The following TTC12 variants were observed in gnomAD, a reference collection of about 807,000 sequenced individuals.
TTC12 encodes the protein tetratricopeptide repeat domain 12, also known as tetratricopeptide repeat protein 12.
TTC12 carries 70 observed loss-of-function variants against 90.1 expected under a neutral mutation model. The observed-to-expected ratio is 0.78, with a 90% CI of 0.64 to 0.95. The LOEUF is 0.95. TTC12 is among the 40% of genes least tolerant of loss of function. The probability of loss-of-function intolerance (pLI) is 0.00; values close to 1 mark genes in which losing one functional copy is unlikely to be tolerated. For synonymous variants in TTC12, 296 were observed against 311.5 expected (o/e 0.95, Z 0.53); for missense variants, 819 against 846.1 (o/e 0.97, Z 0.40).
chr11:113,345,434 C>G (rs1255933040), intron 13 of TTC12, among the ~76,000 whole-genome samples: 3 of 143,606 alleles, frequency 2.1e-5, no homozygotes, highest in Non-Finnish European at 4.5e-5. Context: ...TCTGAGGACC[C>G]AGCTCCGCTC....
At chr11:113,345,567 C>T (rs1484430068) in intron 13 of TTC12, among the ~76,000 whole-genome samples, 3 of 152,170 alleles carry the variant, frequency 2.0e-5, no homozygotes, top group East Asian at 1.9e-4. Context: ...CCATGTGTGC[C>T]GTGACAGGAT....
rs371661589 is a variant in TTC12 at position 113,359,368 on chromosome 11, G to A, written c.1452G>A (p.Arg484=). The change falls in exon 17 of 22, where the codon AGG becomes AGA. Residue 484 remains arginine, a synonymous_variant. Transcript: ENST00000529221. The part of the protein sequence containing the change: ...FGDGCLSLLA[R]CEEDVDLFRE... ...ACCTTGTTTTGTTTCCCAAGGCCAGGTGTGAGGAGGATGTGGACCTGTTCA... is the reference window on the plus strand; with the variant it reads ...ACCTTGTTTTGTTTCCCAAGGCCAGATGTGAGGAGGATGTGGACCTGTTCA... 5.6e-6 allele frequency: 9 copies of A among 1,607,648 alleles called. No homozygotes were observed. In the African/African-American group the frequency reaches 1.1e-4, roughly 19 times the overall value.
In TTC12 at chr11:113,341,879, C is replaced by G; in HGVS notation, c.939C>G (p.Val313=). ...GAAATGATGCAGTTGAAGAAATGGT[C>G]TGTGTGTCTGTTCTCAAGCTCTGGC... The part of the protein sequence containing the change: ...TAGNDAVEEM[V]CVSVLKLWQA... The change falls in exon 12 of 22, where the codon GTC becomes GTG. Residue 313 remains valine (V), a synonymous_variant. Coordinates refer to ENST00000529221, the MANE Select transcript of TTC12 (RefSeq NM_017868.4). 1 of 1,614,162 alleles carries G rather than the reference C, an allele frequency of 6.2e-7. No homozygotes were observed. The highest frequency in any genetic ancestry group is 1.7e-5 in the Admixed American group (1 of 60,026).
intron 5 of TTC12, 125 bp from the exon 6 acceptor site, chr11:113,325,399 C>A: frequency 8.8e-7 from 1 of 1,132,870 alleles, no homozygotes; most frequent in Non-Finnish European, 1.2e-6. Context: ...AAACAAGTGT[C>A]AAGTCCCTTT....
Position 113,352,144 on chromosome 11 carries a change from G to A in TTC12, c.1383G>A (p.Glu461=), listed in dbSNP as rs782456665. Residue 461 remains glutamate (E), a synonymous_variant, in exon 16 of 22, where the codon GAG becomes GAA. Coordinates refer to ENST00000529221, the MANE Select transcript of TTC12 (RefSeq NM_017868.4). ...CIAIMGNLSA[E]PTTRRHMAAC... is the part of the protein sequence containing the mutation. ...CCATCATGGGAAACCTCAGTGCTGA[G>A]CCCACTACCCGAAGACACATGGCGG... The A allele has an allele frequency of 4.3e-6, 7 of 1,614,144 alleles. No homozygotes were observed. The highest frequency in any genetic ancestry group is 3.3e-5 in the Admixed American group (2 of 60,008).
Position 113,324,584 on chromosome 11 carries a change from C to T in TTC12, c.245-21C>T, listed in dbSNP as rs782248424. On this transcript the variant is annotated intron_variant, in intron 4 of 21. Coordinates refer to ENST00000529221, the MANE Select transcript of TTC12 (RefSeq NM_017868.4). ...GTATTTGGATTTTTCTTTTTAATAT[C>T]TGAAATTACCCTGCTGTCAGAGGCC... 72 of 1,602,942 alleles carry T rather than the reference C, an allele frequency of 4.5e-5. No homozygotes were observed. The Middle Eastern group carries it at 8.3e-4, about 18-fold the overall frequency.
At chr11:113,335,151 T>A in intron 8 of TTC12, 114 bp downstream of exon 8, 1 of 805,568 alleles carries the variant, frequency 1.2e-6, no homozygotes, top group Non-Finnish European at 2.0e-6. Context: ...CATCCTTTAG[T>A]ATTTTCCAAG....
chr11:113,319,461 G>A (rs1947157002), intron 2 of TTC12, among the ~76,000 whole-genome samples: 1 of 152,098 alleles, frequency 6.6e-6, no homozygotes, highest in Admixed American at 6.6e-5. Context: ...TTAAAAAAAA[G>A]TTAATTAAAA....
At chr11:113,339,634 C>T (rs1948574662) in intron 10 of TTC12, 160 bp downstream of exon 10, 1 of 623,546 alleles carries the variant, frequency 1.6e-6, no homozygotes, top group South Asian at 2.5e-5. Context: ...CAAGAAATGT[C>T]CTCCGACTTC....
chr11:113,368,581 C>CA, downstream of TTC12: 1 of 1,257,462 alleles, frequency 8.0e-7, no homozygotes, highest in Non-Finnish European at 1.1e-6. Context: ...TGGCAGGTAA[C>CA]AGACAGTCCA....
chr11:113,348,349 G>A (rs1949086276), intron 13 of TTC12, among the ~76,000 whole-genome samples: 1 of 152,118 alleles, frequency 6.6e-6, no homozygotes, highest in Non-Finnish European at 1.5e-5. Flanking sequence ...TTTCTCCTTA[G>A]CATCTCCTGA....
intron 2 of TTC12, among the ~76,000 whole-genome samples, chr11:113,322,779 A>C (rs978554611): frequency 2.0e-5 from 3 of 152,050 alleles, no homozygotes; most frequent in African/African-American, 7.2e-5. Context: ...AGGGCAAGGG[A>C]GTTGAGTATA....
At chr11:113,351,127 C>A in intron 14 of TTC12, 112 bp from the exon 15 acceptor site, 1 of 933,644 alleles carries the variant, frequency 1.1e-6, no homozygotes, top group Non-Finnish European at 1.7e-6. Context: ...TGTCCATGCA[C>A]ACTCTAAATC....
intron 12 of TTC12, among the ~76,000 whole-genome samples, chr11:113,343,040 G>A (rs1298869704): frequency 6.6e-6 from 1 of 152,124 alleles, no homozygotes; most frequent in Non-Finnish European, 1.5e-5. Flanking sequence ...TGTAAATGCT[G>A]TATCACAGGT....
Position 113,365,043 on chromosome 11 carries a change from G to A in TTC12, c.2025G>A (p.Leu675=), listed in dbSNP as rs1398989858. Residue 675 remains leucine (L), a synonymous_variant, in exon 21 of 22, where the codon CTG becomes CTA. Transcript: ENST00000529221. ...ACGCAGGCATTGCTCTGGGGAAGCT[G>A]TGCACAGCTGAGCCCAGGTATGCTG... The part of the protein sequence containing the change: ...QVNAGIALGK[L]CTAEPRFAAQ... 4 of 1,613,968 alleles carry A rather than the reference G, an allele frequency of 2.5e-6. No homozygotes were observed. Among genetic ancestry groups the A allele is most frequent in the Admixed American group, 1.7e-5 (1 of 60,016 alleles).
intron 19 of TTC12, among the ~76,000 whole-genome samples, chr11:113,363,202 G>A (rs556402740): frequency 4.8e-4 from 73 of 152,314 alleles, no homozygotes; most frequent in Middle Eastern, 6.8e-3. Context: ...GTGACACTGA[G>A]GGGGCAGCAC....
At chr11:113,348,772 A>C (rs1425025256) in intron 13 of TTC12, among the ~76,000 whole-genome samples, 1 of 152,174 alleles carries the variant, frequency 6.6e-6, no homozygotes, top group Non-Finnish European at 1.5e-5. Flanking sequence ...CCCCACCACC[A>C]ACCACACATT....
intron 2 of TTC12, among the ~76,000 whole-genome samples, chr11:113,316,791 C>G (rs1946965832): frequency 6.6e-6 from 1 of 152,212 alleles, no homozygotes; most frequent in African/African-American, 2.4e-5. Context: ...CCTTCTCTCT[C>G]TCTAGACAAG....
At position 113,350,847 on chromosome 11, in the gene TTC12, G is replaced by A. The variant is rs201450198; in HGVS notation, c.1248-392G>A. On this transcript the variant is annotated intron_variant, in intron 14 of 21. Coordinates refer to ENST00000529221, the MANE Select transcript of TTC12 (RefSeq NM_017868.4). ...CAGTGGCCATAGAGTGTGGAGATGC[G>A]CATGCATCCAGGCCCTCCCAGTGGC... 1.4e-4 allele frequency among the ~76,000 whole-genome samples: 22 copies of A among 152,324 alleles called. No homozygotes were observed. The East Asian group carries it at 3.1e-3, about 21-fold the overall frequency.
Sources: allele counts gnomAD v4.1 joint callset (sites outside exome capture counted in the v4.1 genomes callset), GRCh38; gene constraint gnomAD v4.1.1; transcripts MANE v1.5; gene names NCBI Gene and HGNC (gene_info 2026-07-23, HGNC 2026-07-21).